COLEC10: variants seen among roughly 807,000 people sequenced by gnomAD.
COLEC10 encodes collectin subfamily member 10.
Under a neutral mutation model 28.4 loss-of-function variants are expected in COLEC10, and 22 were observed. The observed-to-expected ratio is 0.78, with a 90% CI of 0.55 to 1.11. COLEC10 has a LOEUF of 1.11. Among genes scored for constraint, COLEC10 ranks in the 50% least tolerant of loss-of-function variants. COLEC10 has a pLI of 0.00. For synonymous variants in COLEC10, 125 were observed against 116.1 expected (o/e 1.08, Z -0.49); for missense variants, 361 against 344.1 (o/e 1.05, Z -0.39).
At position 119,106,374 on chromosome 8, in the gene COLEC10, G is replaced by T; in HGVS notation, c.*183G>T. The T allele has an allele frequency of 1.6e-6, 1 of 606,132 alleles. No homozygotes were observed. Among genetic ancestry groups the T allele is most frequent in the East Asian group, 2.9e-5 (1 of 34,970 alleles). The allele number at this position is 606,132 out of a possible 1,614,324, so 37.5% of individuals were successfully genotyped here. A position where few individuals can be genotyped will look rare whatever the true frequency, so the allele number is the denominator to read the frequency against. Reference sequence around the variant, plus strand: ...GATGATTTTCATATTTTCACACATGGTATATTATTGACCCAATAACTCGCC... The same window carrying T: ...GATGATTTTCATATTTTCACACATGTTATATTATTGACCCAATAACTCGCC... On this transcript the variant is annotated 3_prime_UTR_variant, in exon 6 of 6. Transcript: ENST00000332843.
At chr8:119,017,460 G>C (rs1814014688) in intron 2 of COLEC10, among the ~76,000 whole-genome samples, 1 of 152,144 alleles carries the variant, frequency 6.6e-6, no homozygotes, top group Non-Finnish European at 1.5e-5. Flanking sequence ...CTTATTGATG[G>C]TGCTTGAAGA....
chr8:119,076,797 C>T (rs137946872), intron 1 of COLEC10, among the ~76,000 whole-genome samples: 6 of 152,334 alleles, frequency 3.9e-5, no homozygotes, highest in African/African-American at 1.4e-4. Context: ...AGTCATCTTT[C>T]TCTCATCAGA....
chr8:118,957,551 A>G, the COLEC10 span, among the ~76,000 whole-genome samples: 1 of 152,206 alleles, frequency 6.6e-6, no homozygotes, highest in Non-Finnish European at 1.5e-5. Context: ...GGGCCAGTCC[A>G]TGCAGTGTCT....
At chr8:118,988,803 C>A in the COLEC10 span, among the ~76,000 whole-genome samples, 2 of 152,138 alleles carry the variant, frequency 1.3e-5, no homozygotes, top group African/African-American at 4.8e-5. Flanking sequence ...GAATTAGAAA[C>A]CTCTGACACC....
At chr8:119,053,687 G>T (rs1408412151) in intron 2 of COLEC10, among the ~76,000 whole-genome samples, 5 of 38,530 alleles carry the variant, frequency 1.3e-4, no homozygotes, top group Admixed American at 2.1e-4. Flanking sequence ...AAAAAAAGGT[G>T]GGGGGGGCTT....
Position 119,067,449 on chromosome 8 carries a change from AT to A in COLEC10, c.148+24del, listed in dbSNP as rs1814993748. ...CCAAAGGTGAGGAAAGAAAACCACA[AT>A]TTTCATGTATAATAAATATGATATC... On this transcript the variant is annotated intron_variant, in intron 1 of 5. Coordinates refer to ENST00000332843, the MANE Select transcript of COLEC10 (RefSeq NM_006438.5). The A allele has an allele frequency of 6.2e-7, 1 of 1,608,158 alleles. No individual in the cohort carries two copies. The highest frequency in any genetic ancestry group is 8.5e-7 in the Non-Finnish European group (1 of 1,176,140).
At chr8:119,076,584 A>T (rs1056078081) in intron 1 of COLEC10, among the ~76,000 whole-genome samples, 1 of 152,196 alleles carries the variant, frequency 6.6e-6, no homozygotes, top group Non-Finnish European at 1.5e-5. Flanking sequence ...CTTTAAACAG[A>T]TAACTCTTAT....
rs185805449 is a variant in COLEC10, at chr8:119,086,468, C to T, written c.149-3212C>T. ...AAGTAAGTACCAAAGATCAAACAAA[C>T]CCAGGACCCATGCTGAAGGCTAGGG... On this transcript the variant is annotated intron_variant, in intron 1 of 5. Coordinates refer to ENST00000332843, the MANE Select transcript of COLEC10 (RefSeq NM_006438.5). Among the ~76,000 whole-genome samples, 387 of 152,180 alleles carry T rather than the reference C, an allele frequency of 2.5e-3. 3 individuals carry two copies. Among genetic ancestry groups the T allele is most frequent in the Non-Finnish European group, 4.5e-3 (303 of 68,012 alleles).
At chr8:118,972,406 G>C in the COLEC10 span, among the ~76,000 whole-genome samples, 2 of 151,916 alleles carry the variant, frequency 1.3e-5, no homozygotes, top group Non-Finnish European at 2.9e-5. Flanking sequence ...CTCCCAGGGA[G>C]AATGTGAGAG....
chr8:119,048,136 C>T (rs1393324135), intron 2 of COLEC10, among the ~76,000 whole-genome samples: 1 of 152,046 alleles, frequency 6.6e-6, no homozygotes, highest in Non-Finnish European at 1.5e-5. Flanking sequence ...AATCCATGCC[C>T]CACTTCCTCC....
upstream of COLEC10, among the ~76,000 whole-genome samples, chr8:118,994,079 G>T (rs1165864607): frequency 3.3e-5 from 5 of 152,170 alleles, no homozygotes; most frequent in Non-Finnish European, 7.3e-5. Context: ...CAAGAATAGG[G>T]TTTTAGGGGT....
At chr8:118,969,354 GC>G in the COLEC10 span, among the ~76,000 whole-genome samples, 1 of 151,966 alleles carries the variant, frequency 6.6e-6, no homozygotes, top group Admixed American at 6.6e-5. Flanking sequence ...GCAAACATAG[GC>G]AACTAATGGA....
rs1587003649 is a variant in COLEC10, at chr8:119,023,794, T to G, written n.235+14241T>G. ...ACAATGCATTCTATGAAAGCTACAATTGTATGCCATCATTTGAAATCAGAG... is the reference window on the plus strand; with the variant it reads ...ACAATGCATTCTATGAAAGCTACAAGTGTATGCCATCATTTGAAATCAGAG... On this transcript the variant is annotated intron_variant and non_coding_transcript_variant, in intron 2 of 6. Transcript: ENST00000521788. 2.6e-5 allele frequency among the ~76,000 whole-genome samples: 4 copies of G among 152,292 alleles called. No homozygotes were observed. In the South Asian group the frequency reaches 8.3e-4, roughly 32 times the overall value.
intron 1 of COLEC10, among the ~76,000 whole-genome samples, chr8:119,069,633 T>A (rs1272354506): frequency 0.11 from 2,841 of 25,358 alleles, 90 homozygotes; most frequent in East Asian, 0.26. Context: ...AAAAAAAATA[T>A]ATATATATAT....
At chr8:118,997,672 T>C (rs1254565504) in intron 1 of COLEC10, among the ~76,000 whole-genome samples, 1 of 152,210 alleles carries the variant, frequency 6.6e-6, no homozygotes, top group Non-Finnish European at 1.5e-5. Flanking sequence ...GACTGCCTTA[T>C]AAAGAAATCT....
At position 119,107,663 on chromosome 8, in the gene COLEC10, C is replaced by T. The variant is rs1475538706; in HGVS notation, c.*1472C>T. Among the ~76,000 whole-genome samples, 1 of 152,132 alleles carries T rather than the reference C, an allele frequency of 6.6e-6. No homozygotes were observed. The highest frequency in any genetic ancestry group is 1.5e-5 in the Non-Finnish European group (1 of 68,022). The stretch of plus-strand genomic sequence containing the variant: ...CCATAAACTCAGATCCTACAGGGGC[C>T]AGGCAGATGACTTACCTAAATGAAG... On this transcript the variant is annotated 3_prime_UTR_variant, in exon 6 of 6. Transcript: ENST00000332843.
chr8:118,962,956 G>A, the COLEC10 span, among the ~76,000 whole-genome samples: 1 of 152,182 alleles, frequency 6.6e-6, no homozygotes, highest in Non-Finnish European at 1.5e-5. Context: ...CACTGGATAT[G>A]AGTAAATCTG....
chr8:119,097,865 C>CT (rs562855769), intron 3 of COLEC10, among the ~76,000 whole-genome samples: 8 of 147,092 alleles, frequency 5.4e-5, no homozygotes, highest in East Asian at 3.9e-4. Context: ...AATTGAAGAA[C>CT]TTTTTTTTTT....
In COLEC10 at chr8:119,099,096, G is replaced by A. The variant is rs1048819388; in HGVS notation, c.293-3252G>A. Among the ~76,000 whole-genome samples the A allele has an allele frequency of 2.0e-5, 3 of 151,928 alleles. 1 individual carries two copies. Among genetic ancestry groups the A allele is most frequent in the Non-Finnish European group, 4.4e-5 (3 of 67,948 alleles). On this transcript the variant is annotated intron_variant, in intron 3 of 5. Coordinates refer to ENST00000332843, the MANE Select transcript of COLEC10 (RefSeq NM_006438.5). ...AGCAAAATAAATGTTTTTATTTAAG[G>A]TCAATAATCCATTTACGCTGAAAGC...
Sources: allele counts gnomAD v4.1 joint callset (sites outside exome capture counted in the v4.1 genomes callset), GRCh38; gene constraint gnomAD v4.1.1; transcripts MANE v1.5; gene names NCBI Gene and HGNC (gene_info 2026-07-23, HGNC 2026-07-21).